PCID2: variants seen among roughly 807,000 people sequenced by gnomAD.
The protein encoded by PCID2 is PCI domain-containing protein 2.
PCID2 carries 41 observed loss-of-function variants against 61.3 expected under a neutral mutation model. That is an observed-to-expected ratio of 0.67 (90% CI 0.52 to 0.87). The LOEUF (loss-of-function observed/expected upper bound fraction) is 0.87, where lower values mean the gene tolerates loss of function less well. Among genes scored for constraint, PCID2 ranks in the 40% least tolerant of loss-of-function variants. PCID2 has a pLI of 0.00. For missense variants in PCID2, 392 were observed against 493.4 expected (o/e 0.79, Z 1.95); for synonymous variants, 187 against 177.8 (o/e 1.05, Z -0.41).
chr13:113,203,222 G>C (rs2039561358), intron 1 of PCID2, among the ~76,000 whole-genome samples: 1 of 152,224 alleles, frequency 6.6e-6, no homozygotes, highest in South Asian at 2.1e-4. Flanking sequence ...GAAGCCATCT[G>C]AAGACTTGCA....
the PCID2 span, among the ~76,000 whole-genome samples, chr13:113,165,411 C>A: frequency 1.2e-4 from 18 of 152,322 alleles, no homozygotes; most frequent in East Asian, 3.5e-3. Flanking sequence ...TCTCTGCTCT[C>A]GGCTGCTGGC....
intron 1 of PCID2, among the ~76,000 whole-genome samples, chr13:113,201,495 C>G (rs971152863): frequency 6.6e-6 from 1 of 152,084 alleles, no homozygotes; most frequent in African/African-American, 2.4e-5. Context: ...AACTAGAAAA[C>G]CAAATATGCT....
Position 113,190,964 on chromosome 13 carries a change from C to T in PCID2, c.375G>A (p.Gln125=). Residue 125 remains glutamine (Q), a synonymous_variant, in exon 7 of 14, where the codon CAG becomes CAA. Coordinates refer to ENST00000337344, the MANE Select transcript of PCID2 (RefSeq NM_001127202.4). The part of the protein sequence containing the change: ...LRVFANNADQ[Q]LVKKGKSKVG... Reference sequence around the variant, plus strand: ...CTTTGCTTTTTCCTTTCTTTACCAACTGTTGATCTGCCTAATAAAATATAA... The same window carrying T: ...CTTTGCTTTTTCCTTTCTTTACCAATTGTTGATCTGCCTAATAAAATATAA... 6.2e-7 allele frequency: 1 copy of T among 1,609,284 alleles called. No homozygotes were observed. The highest frequency in any genetic ancestry group is 8.5e-7 in the Non-Finnish European group (1 of 1,175,830).
chr13:113,197,063 A>T (rs1380835828), intron 4 of PCID2, 115 bp downstream of exon 4: 1 of 1,614,118 alleles, frequency 6.2e-7, no homozygotes, highest in Non-Finnish European at 8.5e-7. Context: ...AAACACTGTC[A>T]TTCCTTTCTA....
At chr13:113,191,101 T>G in intron 6 of PCID2, 126 bp from the exon 7 acceptor site, 1 of 528,856 alleles carries the variant, frequency 1.9e-6, no homozygotes, top group East Asian at 3.2e-5. Context: ...CCACTGATCT[T>G]CCCATCTCAG....
chr13:113,173,803 C>A (rs1480843511), downstream of PCID2, among the ~76,000 whole-genome samples: 1 of 152,130 alleles, frequency 6.6e-6, no homozygotes. Context: ...GCTTTAAATG[C>A]CTACTAATGA....
the PCID2 span, among the ~76,000 whole-genome samples, chr13:113,165,469 G>A: frequency 6.6e-6 from 1 of 152,138 alleles, no homozygotes; most frequent in Non-Finnish European, 1.5e-5. Context: ...CTCTAGTTTG[G>A]CATTCATTTT....
chr13:113,166,920 G>C, the PCID2 span, among the ~76,000 whole-genome samples: 1 of 152,184 alleles, frequency 6.6e-6, no homozygotes, highest in African/African-American at 2.4e-5. Flanking sequence ...AAGGCTAAGA[G>C]CCATATAACC....
At chr13:113,177,307 T>C (rs775017089), downstream of PCID2, among the ~76,000 whole-genome samples, 173 of 151,728 alleles carry the variant, frequency 1.1e-3, no homozygotes, top group Non-Finnish European at 2.2e-3. Flanking sequence ...CCGGCTAATT[T>C]TGTATTTTTA....
At chr13:113,183,557 C>A (rs575453) in intron 9 of PCID2, among the ~76,000 whole-genome samples, 107,470 of 152,100 alleles carry the variant, frequency 0.71, 38,706 homozygotes, top group Middle Eastern at 0.81. Context: ...ATGGTCTATA[C>A]AAGCCTATAG....
chr13:113,167,042 G>C, the PCID2 span, among the ~76,000 whole-genome samples: 3 of 152,194 alleles, frequency 2.0e-5, no homozygotes, highest in Non-Finnish European at 4.4e-5. Flanking sequence ...TTGTTCTGAA[G>C]TTATTTAACT....
intron 2 of PCID2, among the ~76,000 whole-genome samples, chr13:113,198,963 G>T (rs1228682820): frequency 6.6e-6 from 1 of 152,204 alleles, no homozygotes; most frequent in Non-Finnish European, 1.5e-5. Context: ...GTTCTTCTCG[G>T]CTTCCTGCTG....
chr13:113,181,062 A>T, intron 10 of PCID2, 68 bp downstream of exon 10: 1 of 1,064,020 alleles, frequency 9.4e-7, no homozygotes, highest in Non-Finnish European at 1.5e-6. Flanking sequence ...TAGGTTTTAA[A>T]AAAACCTATC....
intron 1 of PCID2, among the ~76,000 whole-genome samples, chr13:113,203,843 A>G (rs906485850): frequency 1.2e-4 from 18 of 152,218 alleles, no homozygotes; most frequent in African/African-American, 3.9e-4. Context: ...GGAAGGCAAA[A>G]CAACCGATCC....
downstream of PCID2, among the ~76,000 whole-genome samples, chr13:113,173,259 G>A (rs1165114604): frequency 6.6e-6 from 1 of 152,254 alleles, no homozygotes; most frequent in Admixed American, 6.5e-5. Flanking sequence ...GGCTGCAGCT[G>A]CAATGCAAGT....
the PCID2 span, among the ~76,000 whole-genome samples, chr13:113,171,204 T>C: frequency 2.0e-5 from 3 of 152,222 alleles, no homozygotes; most frequent in Non-Finnish European, 2.9e-5. This position sits in a 1 kb window ranked among gnomAD's most constrained non-coding sequence, Gnocchi z 5.1. Context: ...ATTACAGATG[T>C]GAGCCACTGT....
In PCID2 at chr13:113,196,242, A is replaced by G. The variant is rs1164649810; in HGVS notation, c.267-20T>C. On this transcript the variant is annotated intron_variant, in intron 4 of 13. Transcript: ENST00000337344. ...AATGATGTACTGTATTAAGGAAGAT[A>G]TGGCATACAAAGTTCAAATAATGCT... The G allele has an allele frequency of 4.3e-5, 68 of 1,564,776 alleles. No homozygotes were observed. Among genetic ancestry groups the G allele is most frequent in the Non-Finnish European group, 5.9e-5 (68 of 1,143,592 alleles).
At chr13:113,208,058 C>T (rs763373200) in intron 1 of PCID2, 1 of 1,612,836 alleles carries the variant, frequency 6.2e-7, no homozygotes, top group East Asian at 2.2e-5. Flanking sequence ...ACGCATGTAC[C>T]GAGCGATATG....
In PCID2 at chr13:113,195,093, T is replaced by G. The variant is rs200298431; in HGVS notation, c.341A>C (p.Asp114Ala). ...ALPVMYAVAL[D>A]LRVFANNADQ... ...TACATTATTGGCAAACACTCGAAGG[T>G]CAAGCGCTACTGCATACATGACAGG... is the stretch of plus-strand genomic sequence containing the variant. Residue 114 changes from aspartate (D) to alanine (A), a missense_variant, in exon 6 of 14, where the codon GAC becomes GCC. Transcript: ENST00000337344. 1 of 1,611,258 alleles carries G rather than the reference T, an allele frequency of 6.2e-7. No individual in the cohort carries two copies. The highest frequency in any genetic ancestry group is 1.3e-5 in the African/African-American group (1 of 74,934).
Sources: allele counts gnomAD v4.1 joint callset (sites outside exome capture counted in the v4.1 genomes callset), GRCh38; gene constraint gnomAD v4.1.1; non-coding constraint Gnocchi (gnomAD v3.1); transcripts MANE v1.5; gene names NCBI Gene and HGNC (gene_info 2026-07-23, HGNC 2026-07-21).